The following SRGAP1 variants were observed in gnomAD, a reference collection of about 807,000 sequenced individuals.
SRGAP1 encodes the protein SLIT-ROBO Rho GTPase-activating protein 1.
SRGAP1 carries 43 observed loss-of-function variants against 121.9 expected under a neutral mutation model. The ratio of observed to expected loss-of-function variants is 0.35; its 90% CI spans 0.28 to 0.46. SRGAP1 has a LOEUF of 0.46. Among genes scored for constraint, SRGAP1 ranks in the 20% least tolerant of loss-of-function variants. The pLI is 1.00. For synonymous variants in SRGAP1, 447 were observed against 485.4 expected, an observed-to-expected ratio of 0.92 and a Z score of 1.04; for missense variants, 1,102 against 1,350.9, an observed-to-expected ratio of 0.82 and a Z score of 2.89.
intron 3 of SRGAP1, among the ~76,000 whole-genome samples, chr12:63,998,594 A>G (rs754603062): frequency 4.6e-5 from 7 of 152,112 alleles, no homozygotes; most frequent in Non-Finnish European, 7.4e-5. Context: ...ATTCCCACCT[A>G]ACTCTCCCAA....
Position 64,078,938 on chromosome 12 carries a change from C to G in SRGAP1, c.1145C>G (p.Ala382Gly). The G allele has an allele frequency of 6.2e-7, 1 of 1,613,640 alleles. No homozygotes were observed. Among genetic ancestry groups the G allele is most frequent in the Non-Finnish European group, 8.5e-7 (1 of 1,179,962 alleles). The stretch of plus-strand genomic sequence containing the variant: ...TCCCAGGTTAAGAAAACGACTGAAG[C>G]CACCTTGCAGACGATACAAGATATG... ...ENEEVKKTTE[A>G]TLQTIQDMVT... Residue 382 changes from alanine to glycine, a missense_variant, in exon 9 of 22, where the codon GCC becomes GGC. By Grantham distance (60) the Ala-to-Gly change is moderately conservative. This residue lies in a region of SRGAP1 where 747 missense variants were observed against 929.4 expected (regional missense o/e 0.80). Transcript: ENST00000355086.
chr12:64,141,825 C>G lies in SRGAP1; in HGVS notation c.2881-470C>G, dbSNP rs182676708. ...TATTAGCCAGCTGTGGTAGCACACA[C>G]CTGTGGTCCCAGCTACTCAGGAGGC... On this transcript the variant is annotated intron_variant, in intron 21 of 21. Transcript: ENST00000355086. Among the ~76,000 whole-genome samples the G allele has an allele frequency of 2.6e-5, 4 of 152,048 alleles. No homozygotes were observed. In the East Asian group the frequency reaches 7.8e-4, roughly 30 times the overall value.
chr12:64,045,820 T>A (rs1593074311), intron 6 of SRGAP1, among the ~76,000 whole-genome samples: 1 of 152,312 alleles, frequency 6.6e-6, no homozygotes, highest in East Asian at 1.9e-4. Context: ...CTAAGCACCA[T>A]TCCTGACAAT....
intron 1 of SRGAP1, among the ~76,000 whole-genome samples, chr12:63,928,945 A>G (rs1020121259): frequency 6.6e-6 from 1 of 152,228 alleles, no homozygotes; most frequent in Non-Finnish European, 1.5e-5. Context: ...TCAGGCAGTA[A>G]CATAAGCAAT....
At chr12:63,887,250 A>G (rs375376244) in intron 1 of SRGAP1, 2 of 152,270 alleles carry the variant, frequency 1.3e-5, no homozygotes, top group Non-Finnish European at 2.9e-5. Context: ...CGTTTTCTAC[A>G]TGGGGTTGTC....
At chr12:63,989,361 A>G (rs2033495657) in intron 2 of SRGAP1, among the ~76,000 whole-genome samples, 1 of 152,194 alleles carries the variant, frequency 6.6e-6, no homozygotes, top group Admixed American at 6.5e-5. Context: ...AGACAATGCA[A>G]TAAAGTTCTG....
rs1236758335 is a variant in SRGAP1 at position 64,057,065 on chromosome 12, T to G, written c.802-5852T>G. Among the ~76,000 whole-genome samples the G allele has an allele frequency of 2.0e-5, 3 of 152,160 alleles. No individual in the cohort carries two copies. In the South Asian group the frequency reaches 6.2e-4, roughly 32 times the overall value. ...CCTGGGAAAAATGAGTAGCAGCTCC[T>G]CTGAAGGAAATGATTGTCCATTGCT... On this transcript the variant is annotated intron_variant, in intron 6 of 21. Transcript: ENST00000355086.
At chr12:64,012,381 G>A (rs1221530449) in intron 3 of SRGAP1, among the ~76,000 whole-genome samples, 2 of 151,894 alleles carry the variant, frequency 1.3e-5, no homozygotes, top group African/African-American at 4.8e-5. Context: ...TAGAATATTA[G>A]AAGTTTTACC....
At chr12:64,052,422 G>A (rs976729294) in intron 6 of SRGAP1, among the ~76,000 whole-genome samples, 2 of 152,068 alleles carry the variant, frequency 1.3e-5, no homozygotes, top group African/African-American at 4.8e-5. Flanking sequence ...AGGCGTGGTG[G>A]TGGGTGCCTA....
chr12:64,043,050 T>C, intron 5 of SRGAP1, 78 bp downstream of exon 5: 1 of 950,488 alleles, frequency 1.1e-6, no homozygotes, highest in African/African-American at 1.6e-5. Context: ...ATAGCTGATA[T>C]CCACACATTG....
chr12:63,854,388 T>C lies in SRGAP1; in HGVS notation c.67+9505T>C, dbSNP rs555528550. Among the ~76,000 whole-genome samples the C allele has an allele frequency of 6.6e-5, 10 of 152,308 alleles. No individual in the cohort carries two copies. In the South Asian group the frequency reaches 1.7e-3, roughly 25 times the overall value. On this transcript the variant is annotated intron_variant, in intron 1 of 21. Coordinates refer to ENST00000355086, the MANE Select transcript of SRGAP1 (RefSeq NM_020762.4). ...ATTGGAATAGTAGTGTTTTGGCATG[T>C]ATAACAAATCTTTATCTTTTAAAGA...
At chr12:63,924,516 T>A (rs576825857) in intron 1 of SRGAP1, among the ~76,000 whole-genome samples, 113 of 152,360 alleles carry the variant, frequency 7.4e-4, no homozygotes, top group African/African-American at 2.5e-3. Flanking sequence ...AAGGATTTTT[T>A]AAAACACCAA....
intron 4 of SRGAP1, among the ~76,000 whole-genome samples, chr12:64,030,647 A>T (rs962458289): frequency 4.6e-5 from 7 of 152,228 alleles, no homozygotes; most frequent in African/African-American, 1.7e-4. Flanking sequence ...CAAAAATAGA[A>T]GCATGTAGCA....
Position 64,156,579 on chromosome 12 carries a change from G to C in SRGAP1, c.*13907G>C, listed in dbSNP as rs753327421. 8 of 152,206 alleles carry C rather than the reference G, an allele frequency of 5.3e-5. No homozygotes were observed. The highest frequency in any genetic ancestry group is 8.8e-5 in the Non-Finnish European group (6 of 68,044). 9.4% of individuals were successfully genotyped at this position (152,206 alleles called of 1,614,324 possible). On this transcript the variant is annotated 3_prime_UTR_variant, in exon 22 of 22. Coordinates refer to ENST00000355086, the MANE Select transcript of SRGAP1 (RefSeq NM_020762.4). ...GACCCCAAGATTAGGGGTTTTGTTA[G>C]AGGCAAAGCTAAAAGGAAATGATAA...
At chr12:64,073,815 A>G (rs1263922246) in intron 8 of SRGAP1, among the ~76,000 whole-genome samples, 1 of 149,900 alleles carries the variant, frequency 6.7e-6, no homozygotes, top group East Asian at 1.9e-4. Flanking sequence ...GACAAACTAC[A>G]AATGTTTATT....
intron 15 of SRGAP1, among the ~76,000 whole-genome samples, chr12:64,107,677 A>G (rs1197953247): frequency 6.6e-6 from 1 of 152,210 alleles, no homozygotes; most frequent in Admixed American, 6.5e-5. Flanking sequence ...AATGAGAATG[A>G]GTTGACTATG....
At chr12:63,972,697 A>G (rs903485070) in intron 1 of SRGAP1, among the ~76,000 whole-genome samples, 1 of 152,260 alleles carries the variant, frequency 6.6e-6, no homozygotes. Flanking sequence ...AGAACATAAT[A>G]GCAATAGTAC....
At chr12:64,100,876 T>C (rs1166817508) in intron 15 of SRGAP1, among the ~76,000 whole-genome samples, 5 of 152,198 alleles carry the variant, frequency 3.3e-5, no homozygotes, top group Non-Finnish European at 5.9e-5. Context: ...TTGAGTAGCA[T>C]AATACATCTT....
intron 6 of SRGAP1, among the ~76,000 whole-genome samples, chr12:64,046,238 C>A (rs1341646394): frequency 6.6e-6 from 1 of 152,276 alleles, no homozygotes; most frequent in East Asian, 1.9e-4. Context: ...TTGGCAGAAG[C>A]CCTATCACTT....
Sources: allele counts gnomAD v4.1 joint callset (sites outside exome capture counted in the v4.1 genomes callset), GRCh38; gene constraint gnomAD v4.1.1; regional missense constraint gnomAD v4.1.1; transcripts MANE v1.5; gene names NCBI Gene and HGNC (gene_info 2026-07-23, HGNC 2026-07-21).